GPR146: variants seen among roughly 807,000 people sequenced by gnomAD.
The protein encoded by GPR146 is G-protein coupled receptor 146.
For missense variants in GPR146, 381 were observed against 213.9 expected (o/e 1.78, Z -4.87); for synonymous variants, 203 against 104.3 (o/e 1.95, Z -5.77).
rs750879350 is a variant in GPR146, at chr7:1,058,388, G to A, written c.873G>A (p.Val291=). Reference sequence around the variant, plus strand: ...TCCTGGCCTTCTCCAGCAGCTTTGTGACACCACTTCTCTACCGCTACATGA... The same window carrying A: ...TCCTGGCCTTCTCCAGCAGCTTTGTAACACCACTTCTCTACCGCTACATGA... The part of the protein sequence containing the change: ...SKLLAFSSSF[V]TPLLYRYMNQ... Residue 291 remains valine, a synonymous_variant, in exon 2 of 2, where the codon GTG becomes GTA. Transcript: ENST00000444847. 5.1e-6 allele frequency: 4 copies of A among 780,516 alleles called. No individual in the cohort carries two copies. The highest frequency in any genetic ancestry group is 1.7e-5 in the Admixed American group (1 of 59,026). 48.3% of individuals were successfully genotyped at this position (780,516 alleles called of 1,614,324 possible). A position where few individuals can be genotyped will look rare whatever the true frequency, so the allele number is the denominator to read the frequency against.
intron 1 of GPR146, among the ~76,000 whole-genome samples, chr7:1,051,204 C>T (rs1002139174): frequency 6.6e-5 from 10 of 152,208 alleles, no homozygotes; most frequent in Admixed American, 5.2e-4. Flanking sequence ...TCCCAGAAAA[C>T]GGGGCGCCAG....
intron 1 of GPR146, 54 bp downstream of exon 1, chr7:1,044,712 G>C (rs1167180030): frequency 6.6e-6 from 1 of 152,190 alleles, no homozygotes; most frequent in African/African-American, 2.4e-5. Flanking sequence ...CCCAGTCTCC[G>C]CCTGGGGAGG....
intron 1 of GPR146, among the ~76,000 whole-genome samples, chr7:1,055,727 C>T (rs1314018653): frequency 1.3e-5 from 2 of 152,142 alleles, no homozygotes; most frequent in Non-Finnish European, 2.9e-5. Flanking sequence ...CGGGTGTGCC[C>T]TCCTGTCAGT....
chr7:1,058,835 G>C lies in GPR146; in HGVS notation c.*318G>C, dbSNP rs1465135470. 1.1e-5 allele frequency: 4 copies of C among 362,746 alleles called. No individual in the cohort carries two copies. 22.5% of individuals were successfully genotyped at this position (362,746 alleles called of 1,614,324 possible). On this transcript the variant is annotated 3_prime_UTR_variant, in exon 2 of 2. Coordinates refer to ENST00000444847, the MANE Select transcript of GPR146 (RefSeq NM_001303473.2). ...GTCAATGAAGTGATGAAAGCTTAGA[G>C]CCAGTATTTATACTTTGTGGTTAAA...
intron 1 of GPR146, chr7:1,055,244 AGGGAGGCAGAGGCCCTGCG>A: frequency 2.1e-6 from 1 of 471,068 alleles, no homozygotes; most frequent in South Asian, 1.5e-5. Flanking sequence ...GCGCCTGCCA[AGGGAGGCAGAGGCCCTGCG>A]GGGAACTTAC....
rs564340470 is a variant in GPR146 at position 1,058,674 on chromosome 7, C to T, written c.*157C>T. 1.6e-6 allele frequency: 1 copy of T among 611,200 alleles called. No homozygotes were observed. Among genetic ancestry groups the T allele is most frequent in the African/African-American group, 1.9e-5 (1 of 53,916 alleles). 37.9% of individuals were successfully genotyped at this position (611,200 alleles called of 1,614,324 possible). On this transcript the variant is annotated 3_prime_UTR_variant, in exon 2 of 2. Transcript: ENST00000444847. ...TTTCCTTTTTCCCACAAATGCCACT[C>T]TTGGGCCAAGGCTGTGGTCCCCGTG...
Position 1,057,888 on chromosome 7 carries a change from C to G in GPR146, c.373C>G (p.Leu125Val), listed in dbSNP as rs1784006035. ...CATGTACTCCACCGCCCTGCTGAGC[C>G]TCGACCACTACATCGAGCGTGCACT... is the stretch of plus-strand genomic sequence containing the variant. ...VAMYSTALLS[L>V]DHYIERALPR... The change falls in exon 2 of 2, where the codon CTC (leucine) becomes GTC (valine). Residue 125 changes from leucine to valine, a missense_variant. Transcript: ENST00000444847. 6 of 777,002 alleles carry G rather than the reference C, an allele frequency of 7.7e-6. No homozygotes were observed. Among genetic ancestry groups the G allele is most frequent in the South Asian group, 5.4e-5 (4 of 74,630 alleles). 48.1% of individuals were successfully genotyped at this position (777,002 alleles called of 1,614,324 possible).
rs1165024677 is a variant in GPR146 at position 1,052,197 on chromosome 7, C to G, written c.-24-5295C>G. On this transcript the variant is annotated intron_variant, in intron 1 of 1. Coordinates refer to ENST00000444847, the MANE Select transcript of GPR146 (RefSeq NM_001303473.2). The surrounding 1 kb of genome is among the most constrained non-coding windows in gnomAD (Gnocchi z 4.2). Reference sequence around the variant, plus strand: ...CATTGTCCCTAAGAGACCCTGAGGCCTGCTCCAGGCTGAGTGGGTGAGGAG... The same window carrying G: ...CATTGTCCCTAAGAGACCCTGAGGCGTGCTCCAGGCTGAGTGGGTGAGGAG... Among the ~76,000 whole-genome samples, 1 of 152,274 alleles carries G rather than the reference C, an allele frequency of 6.6e-6. No individual in the cohort carries two copies. Among genetic ancestry groups the G allele is most frequent in the African/African-American group, 2.4e-5 (1 of 41,476 alleles).
In GPR146 at chr7:1,058,282, A is replaced by G; in HGVS notation, c.767A>G (p.His256Arg). Residue 256 changes from histidine to arginine, a missense_variant, in exon 2 of 2, where the codon CAC becomes CGC. His to Arg is a conservative substitution (Grantham distance 29, BLOSUM62 0). Transcript: ENST00000444847. Reference protein sequence around the residue: ...WTPHYLILLGHTVIISRGKPV... With the variant: ...WTPHYLILLGRTVIISRGKPV... ...CCACACTATCTGATCCTGCTGGGGC[A>G]CACGGTCATCATCTCGCGAGGGAAG... is the stretch of plus-strand genomic sequence containing the variant. 1.3e-6 allele frequency: 1 copy of G among 773,466 alleles called. No individual in the cohort carries two copies. The highest frequency in any genetic ancestry group is 2.4e-6 in the Non-Finnish European group (1 of 418,048). 47.9% of individuals were successfully genotyped at this position (773,466 alleles called of 1,614,324 possible). A position where few individuals can be genotyped will look rare whatever the true frequency, so the allele number is the denominator to read the frequency against.
intron 1 of GPR146, among the ~76,000 whole-genome samples, chr7:1,051,179 C>T (rs1197866328): frequency 6.6e-6 from 1 of 152,200 alleles, no homozygotes; most frequent in East Asian, 1.9e-4. Flanking sequence ...TCCTGTCACT[C>T]AGAGAAGCTG....
intron 1 of GPR146, among the ~76,000 whole-genome samples, chr7:1,053,781 C>A (rs1052448093): frequency 6.6e-6 from 1 of 152,116 alleles, no homozygotes; most frequent in East Asian, 1.9e-4. Context: ...GAGCTGAGAT[C>A]GTGCCACTGC....
intron 1 of GPR146, among the ~76,000 whole-genome samples, chr7:1,054,526 G>A (rs150495635): frequency 3.4e-4 from 52 of 152,356 alleles, no homozygotes; most frequent in Middle Eastern, 6.8e-3. Flanking sequence ...AGCGCAGGGA[G>A]GAAATGCCAG....
rs546213621 is a variant in GPR146 at position 1,057,526 on chromosome 7, G to A, written c.11G>A (p.Cys4Tyr). 1.6e-4 allele frequency: 124 copies of A among 770,068 alleles called. No homozygotes were observed. Among genetic ancestry groups the A allele is most frequent in the South Asian group, 1.2e-3 (86 of 73,888 alleles). 47.7% of individuals were successfully genotyped at this position (770,068 alleles called of 1,614,324 possible). A position where few individuals can be genotyped will look rare whatever the true frequency, so the allele number is the denominator to read the frequency against. ...GCCTCGCCGGCCGCCATGTGGAGCT[G>A]CAGCTGGTTCAACGGCACAGGGCTG... The part of the protein sequence containing the change: MWS[C>Y]SWFNGTGLVE... Residue 4 changes from cysteine (C) to tyrosine (Y), a missense_variant, in exon 2 of 2, where the codon TGC (cysteine) becomes TAC (tyrosine). Coordinates refer to ENST00000444847, the MANE Select transcript of GPR146 (RefSeq NM_001303473.2).
rs1783962217 is a variant in GPR146, at chr7:1,057,614, C to A, written c.99C>A (p.Gly33=). The change falls in exon 2 of 2, where the codon GGC becomes GGA. Residue 33 remains glycine (G), a synonymous_variant. Coordinates refer to ENST00000444847, the MANE Select transcript of GPR146 (RefSeq NM_001303473.2). ...QLGLSLLSLL[G]LVVGVPVGLC... is the part of the protein sequence containing the mutation. ...GGCTGTCACTGTTGTCGCTGCTGGG[C>A]CTGGTGGTGGGCGTGCCAGTGGGCC... is the stretch of plus-strand genomic sequence containing the variant. 3.9e-6 allele frequency: 3 copies of A among 770,106 alleles called. No individual in the cohort carries two copies. Among genetic ancestry groups the A allele is most frequent in the Non-Finnish European group, 7.2e-6 (3 of 415,590 alleles). The allele number at this position is 770,106 out of a possible 1,614,324, so 47.7% of individuals were successfully genotyped here. A position where few individuals can be genotyped will look rare whatever the true frequency, so the allele number is the denominator to read the frequency against.
rs916298282 is a variant in GPR146 at position 1,052,793 on chromosome 7, C to T, written c.-24-4699C>T. Among the ~76,000 whole-genome samples the T allele has an allele frequency of 6.6e-6, 1 of 152,024 alleles. No individual in the cohort carries two copies. Among genetic ancestry groups the T allele is most frequent in the Admixed American group, 6.5e-5 (1 of 15,278 alleles). ...GCATGTGCCAGCTCTGTTCCTCAAG[C>T]CTGGCCCAAGAGGGACCTGCAGCAT... On this transcript the variant is annotated intron_variant, in intron 1 of 1. Coordinates refer to ENST00000444847, the MANE Select transcript of GPR146 (RefSeq NM_001303473.2). The surrounding 1 kb of genome is among the most constrained non-coding windows in gnomAD (Gnocchi z 4.2).
chr7:1,045,820 AGGTCGG>A (rs1420788771), intron 1 of GPR146: 1 of 152,284 alleles, frequency 6.6e-6, no homozygotes, highest in African/African-American at 2.4e-5. Context: ...CACAGAGAAG[AGGTCGG>A]GGCCAGAGCA....
At chr7:1,045,217 A>C (rs1782468959) in intron 1 of GPR146, 1 of 152,254 alleles carries the variant, frequency 6.6e-6, no homozygotes, top group Non-Finnish European at 1.5e-5. Flanking sequence ...AAACCTGGCA[A>C]GTCAGTTCTC....
chr7:1,055,164 T>A, intron 1 of GPR146: 1 of 457,486 alleles, frequency 2.2e-6, no homozygotes, highest in Non-Finnish European at 4.5e-6. Context: ...CAGTTTGCAG[T>A]GCGGTCCCGT....
In GPR146 at chr7:1,058,329, G is replaced by A; in HGVS notation, c.814G>A (p.Gly272Arg). 1 of 777,568 alleles carries A rather than the reference G, an allele frequency of 1.3e-6. No individual in the cohort carries two copies. Among genetic ancestry groups the A allele is most frequent in the Non-Finnish European group, 2.4e-6 (1 of 418,096 alleles). The allele number at this position is 777,568 out of a possible 1,614,324, so 48.2% of individuals were successfully genotyped here. ...GAAGCCCGTGGACGCACACTACCTG[G>A]GGCTACTGCACTTTGTGAAGGATTT... ...RGKPVDAHYL[G>R]LLHFVKDFSK... The change falls in exon 2 of 2, where the codon GGG becomes AGG. Residue 272 changes from glycine (G) to arginine (R), a missense_variant. By Grantham distance (125) the Gly-to-Arg change is moderately radical. Coordinates refer to ENST00000444847, the MANE Select transcript of GPR146 (RefSeq NM_001303473.2).
Sources: allele counts gnomAD v4.1 joint callset (sites outside exome capture counted in the v4.1 genomes callset), GRCh38; gene constraint gnomAD v4.1.1; non-coding constraint Gnocchi (gnomAD v3.1); transcripts MANE v1.5; gene names NCBI Gene and HGNC (gene_info 2026-07-23, HGNC 2026-07-21).